The following SMCHD1 variants were observed in gnomAD, a reference collection of about 807,000 sequenced individuals.
SMCHD1 encodes the protein structural maintenance of chromosomes flexible hinge domain-containing protein 1.
SMCHD1 carries 78 observed loss-of-function variants against 254.7 expected under a neutral mutation model. The observed-to-expected ratio is 0.31, with a 90% confidence interval of 0.26 to 0.37. The LOEUF is 0.37. SMCHD1 is among the 10% of genes least tolerant of loss of function. The pLI is 1.00. For missense variants in SMCHD1, 1,840 were observed against 2,408.1 expected, an observed-to-expected ratio of 0.76 and a Z score of 4.94; for synonymous variants, 766 against 794.9, an observed-to-expected ratio of 0.96 and a Z score of 0.61.
intron 26 of SMCHD1, among the ~76,000 whole-genome samples, chr18:2,738,812 C>A (rs769548922): frequency 6.6e-6 from 1 of 152,118 alleles, no homozygotes; most frequent in East Asian, 1.9e-4. Context: ...ATGACAAAGA[C>A]GTGAAAAATA....
chr18:2,797,218 T>G (rs1216629349), intron 47 of SMCHD1, among the ~76,000 whole-genome samples: 2 of 152,178 alleles, frequency 1.3e-5, no homozygotes, highest in East Asian at 3.9e-4. Flanking sequence ...GTTTGGAGAA[T>G]CAGATCACCA....
At chr18:2,708,776 C>T (rs2074581204) in intron 17 of SMCHD1, among the ~76,000 whole-genome samples, 1 of 148,178 alleles carries the variant, frequency 6.7e-6, no homozygotes, top group Admixed American at 6.7e-5. Flanking sequence ...CCACCACTCC[C>T]AGCTAATTTT....
chr18:2,768,677 A>C, intron 37 of SMCHD1, among the ~76,000 whole-genome samples: 1 of 150,882 alleles, frequency 6.6e-6, no homozygotes, highest in South Asian at 2.1e-4. Context: ...AGTGTACTAT[A>C]TACTATACTA....
chr18:2,700,825 A>C lies in SMCHD1; in HGVS notation c.1554A>C (p.Lys518Asn). 1 of 1,613,582 alleles carries C rather than the reference A, an allele frequency of 6.2e-7. No individual in the cohort carries two copies. The part of the protein sequence containing the change: ...RISGALFTND[K>N]FQVSTNKLTF... ...CTGGTGCATTATTCACTAATGACAA[A>C]TTCCAGGTCAGCACAAATAAATTGA... is the stretch of plus-strand genomic sequence containing the variant. The change falls in exon 12 of 48, where the codon AAA (lysine) becomes AAC (asparagine). Residue 518 changes from lysine (K) to asparagine (N), a missense_variant. This residue lies in a region of SMCHD1 where 498 missense variants were observed against 743.5 expected (regional missense o/e 0.67). Transcript: ENST00000320876.
Position 2,803,220 on chromosome 18 carries a change from A to AG in SMCHD1, c.*668_*669insG, listed in dbSNP as rs2076395006. The AG allele has an allele frequency of 2.0e-5, 3 of 147,400 alleles. No homozygotes were observed. The highest frequency in any genetic ancestry group is 6.8e-5 in the Admixed American group (1 of 14,680). 9.1% of individuals were successfully genotyped at this position (147,400 alleles called of 1,614,324 possible). On this transcript the variant is annotated 3_prime_UTR_variant, in exon 48 of 48. Transcript: ENST00000320876. ...TGTGTATATATATATATATATATAA[A>AG]TATATATATATAAAATATTCAGCAG... is the stretch of plus-strand genomic sequence containing the variant.
At chr18:2,746,565 A>C (rs1242982302) in intron 29 of SMCHD1, among the ~76,000 whole-genome samples, 1 of 152,218 alleles carries the variant, frequency 6.6e-6, no homozygotes, top group Non-Finnish European at 1.5e-5. Context: ...TAACTAAACC[A>C]ATCTCAAGGG....
chr18:2,795,039 G>GTTTTTTTTTTTTTTTT (rs201312816), intron 45 of SMCHD1, among the ~76,000 whole-genome samples: 1 of 148,472 alleles, frequency 6.7e-6, no homozygotes, highest in Non-Finnish European at 1.5e-5. Flanking sequence ...AAAATTCTGG[G>GTTTTTTTTTTTTTTTT]TTTTTTTTTT....
At chr18:2,729,651 G>A (rs2075097783) in intron 24 of SMCHD1, among the ~76,000 whole-genome samples, 1 of 149,506 alleles carries the variant, frequency 6.7e-6, no homozygotes, top group African/African-American at 2.5e-5. Flanking sequence ...AACTATTATT[G>A]ATTTACATTT....
At chr18:2,701,433 T>A (rs1297452964) in intron 12 of SMCHD1, among the ~76,000 whole-genome samples, 3 of 152,194 alleles carry the variant, frequency 2.0e-5, no homozygotes, top group African/African-American at 7.2e-5. Context: ...AATGTTGGGA[T>A]TACAGGCATG....
chr18:2,693,963 G>C (rs1440127050), intron 7 of SMCHD1, among the ~76,000 whole-genome samples: 2 of 152,148 alleles, frequency 1.3e-5, no homozygotes, highest in Middle Eastern at 3.2e-3. Flanking sequence ...TCATACTACA[G>C]ATGGAGAAGT....
At chr18:2,706,560 G>A in intron 15 of SMCHD1, 90 bp downstream of exon 15, 3 of 861,984 alleles carry the variant, frequency 3.5e-6, no homozygotes, top group Non-Finnish European at 3.6e-6. Flanking sequence ...TTACTCTGCT[G>A]TTAGGGCATT....
At chr18:2,716,484 CTG>C in intron 17 of SMCHD1, among the ~76,000 whole-genome samples, 1 of 152,202 alleles carries the variant, frequency 6.6e-6, no homozygotes, top group Middle Eastern at 3.2e-3. Flanking sequence ...ATGGGCTGGA[CTG>C]TGTAACTTCC....
At chr18:2,796,842 C>CTTTTTT in intron 47 of SMCHD1, 1 of 252,114 alleles carries the variant, frequency 4.0e-6, no homozygotes, top group South Asian at 5.3e-5. Flanking sequence ...CTTGGCCTCT[C>CTTTTTT]AAAGTACTGG....
chr18:2,689,935 G>T lies in SMCHD1; in HGVS notation c.873+1188G>T, dbSNP rs145388206. On this transcript the variant is annotated intron_variant, in intron 7 of 47. Transcript: ENST00000320876. ...GCAGCTCAGCAGGCTGAGGTGGGAG[G>T]ATCACTTGAGCCCAGCTGCAAGTGA... is the stretch of plus-strand genomic sequence containing the variant. 4.1e-3 allele frequency among the ~76,000 whole-genome samples: 613 copies of T among 150,950 alleles called. 3 individuals carry two copies. The highest frequency in any genetic ancestry group is 0.014 in the African/African-American group (592 of 41,062).
intron 31 of SMCHD1, 112 bp from the exon 32 acceptor site, chr18:2,750,238 T>C: frequency 7.1e-7 from 1 of 1,401,340 alleles, no homozygotes; most frequent in South Asian, 1.4e-5. Flanking sequence ...GAGTTGGGAC[T>C]GAATAGAAGT....
At position 2,710,029 on chromosome 18, in the gene SMCHD1, A is replaced by G. The variant is rs79127141; in HGVS notation, c.2260+2109A>G. On this transcript the variant is annotated intron_variant, in intron 17 of 47. Coordinates refer to ENST00000320876, the MANE Select transcript of SMCHD1 (RefSeq NM_015295.3). ...TTTTCCTTACAAATTTTATAGCTTT[A>G]GCTCTGTTGTTATTACTTTGATCCA... 6.7e-3 allele frequency among the ~76,000 whole-genome samples: 1,019 copies of G among 152,252 alleles called. 17 individuals are homozygous for G. The highest frequency in any genetic ancestry group is 0.023 in the African/African-American group (965 of 41,548).
intron 41 of SMCHD1, among the ~76,000 whole-genome samples, chr18:2,774,200 G>T (rs868176923): frequency 6.6e-6 from 1 of 151,982 alleles, no homozygotes; most frequent in Non-Finnish European, 1.5e-5. Context: ...CAGTATCATG[G>T]TATTTCTTTT....
rs923298182 is a variant in SMCHD1 at position 2,737,895 on chromosome 18, A to G, written c.3277-502A>G. Among the ~76,000 whole-genome samples the G allele has an allele frequency of 3.9e-5, 6 of 152,186 alleles. 1 individual carries two copies. In the South Asian group the frequency reaches 1.0e-3, roughly 26 times the overall value. ...TAAGTGACAAAATATGGAATGTAAG[A>G]GGTATAAATTAATACAGAACTAAAA... is the stretch of plus-strand genomic sequence containing the variant. On this transcript the variant is annotated intron_variant, in intron 25 of 47. Coordinates refer to ENST00000320876, the MANE Select transcript of SMCHD1 (RefSeq NM_015295.3).
intron 5 of SMCHD1, among the ~76,000 whole-genome samples, chr18:2,687,754 TG>T (rs1428949870): frequency 6.6e-6 from 1 of 152,220 alleles, no homozygotes; most frequent in Non-Finnish European, 1.5e-5. Context: ...TTGTTTCCTG[TG>T]GTTACGTTCT....
Sources: allele counts gnomAD v4.1 joint callset (sites outside exome capture counted in the v4.1 genomes callset), GRCh38; gene constraint gnomAD v4.1.1; regional missense constraint gnomAD v4.1.1; transcripts MANE v1.5; gene names NCBI Gene and HGNC (gene_info 2026-07-23, HGNC 2026-07-21).